Variants in SLC24A3 observed in about 807,000 individuals in gnomAD.
The protein encoded by SLC24A3 is sodium/potassium/calcium exchanger 3.
In SLC24A3, 28 loss-of-function variants were observed where a neutral mutation model predicts 75.8. The ratio of observed to expected loss-of-function variants is 0.37; its 90% CI spans 0.27 to 0.51. The LOEUF (loss-of-function observed/expected upper bound fraction) is 0.51, where lower values mean the gene tolerates loss of function less well. SLC24A3 is among the 20% of genes least tolerant of loss of function. SLC24A3 has a pLI of 0.94. For missense variants in SLC24A3, 663 were observed against 847.8 expected (o/e 0.78, Z 2.71); for synonymous variants, 372 against 334.1 (o/e 1.11, Z -1.24).
At chr20:19,404,922 T>A (rs1205356602) in intron 2 of SLC24A3, among the ~76,000 whole-genome samples, 1 of 152,124 alleles carries the variant, frequency 6.6e-6, no homozygotes, top group Non-Finnish European at 1.5e-5. Flanking sequence ...GGCTCTATTT[T>A]TAAAAGGCCA....
chr20:19,541,841 C>T (rs1389186678), intron 3 of SLC24A3, among the ~76,000 whole-genome samples: 4 of 152,192 alleles, frequency 2.6e-5, no homozygotes, highest in African/African-American at 4.8e-5. Flanking sequence ...CACACATTCT[C>T]GAGGTTTGCA....
intron 1 of SLC24A3, among the ~76,000 whole-genome samples, chr20:19,249,638 T>C (rs1295812782): frequency 6.6e-6 from 1 of 152,226 alleles, no homozygotes; most frequent in Non-Finnish European, 1.5e-5. Flanking sequence ...AATGGGTTTA[T>C]CGCTGGGAGA....
intron 7 of SLC24A3, among the ~76,000 whole-genome samples, chr20:19,659,475 T>C (rs2122715093): frequency 6.6e-6 from 1 of 152,366 alleles, no homozygotes. Flanking sequence ...GACAGGCAAC[T>C]AGTGGGACCA....
chr20:19,403,162 T>G (rs1354567755), intron 2 of SLC24A3, among the ~76,000 whole-genome samples: 5 of 152,112 alleles, frequency 3.3e-5, no homozygotes, highest in Non-Finnish European at 7.4e-5. Flanking sequence ...AGGGCCAGTG[T>G]CACAATTGTA....
chr20:19,693,534 A>G, intron 13 of SLC24A3, 109 bp downstream of exon 13: 2 of 1,402,562 alleles, frequency 1.4e-6, no homozygotes, highest in Non-Finnish European at 1.9e-6. Flanking sequence ...TATTGCTACA[A>G]TAAGCTGCAC....
At chr20:19,494,450 T>C (rs1002307746) in intron 2 of SLC24A3, among the ~76,000 whole-genome samples, 5 of 152,156 alleles carry the variant, frequency 3.3e-5, no homozygotes, top group African/African-American at 1.2e-4. Flanking sequence ...TTCCAAGTAA[T>C]GAAATCATCT....
At chr20:19,280,753 A>G (rs8121636) in intron 1 of SLC24A3, among the ~76,000 whole-genome samples, 5,850 of 152,252 alleles carry the variant, frequency 0.038, 373 homozygotes, top group African/African-American at 0.13. Flanking sequence ...CCCACTGGGA[A>G]GAATCTAGAA....
chr20:19,495,244 C>T (rs758832306), intron 2 of SLC24A3, among the ~76,000 whole-genome samples: 1 of 152,320 alleles, frequency 6.6e-6, no homozygotes, highest in Middle Eastern at 3.4e-3. Flanking sequence ...GGTTTCTGAG[C>T]GGGCACCAAC....
chr20:19,479,032 C>A (rs1340014561), intron 2 of SLC24A3, among the ~76,000 whole-genome samples: 1 of 152,222 alleles, frequency 6.6e-6, no homozygotes, highest in Non-Finnish European at 1.5e-5. Flanking sequence ...CTCTGCTGTC[C>A]CTTAGCATGT....
chr20:19,701,987 G>C (rs1180964335), intron 15 of SLC24A3, among the ~76,000 whole-genome samples: 2 of 152,112 alleles, frequency 1.3e-5, no homozygotes, highest in Non-Finnish European at 2.9e-5. Context: ...ATTTTACTTT[G>C]ATTAAAGGGG....
chr20:19,614,036 G>A (rs2031704841), intron 6 of SLC24A3, among the ~76,000 whole-genome samples: 1 of 152,156 alleles, frequency 6.6e-6, no homozygotes, highest in African/African-American at 2.4e-5. Context: ...TCCCAGTTGT[G>A]TATATCCACA....
At chr20:19,600,392 T>C (rs1285580115) in intron 6 of SLC24A3, among the ~76,000 whole-genome samples, 1 of 152,196 alleles carries the variant, frequency 6.6e-6, no homozygotes, top group Non-Finnish European at 1.5e-5. Flanking sequence ...TGCAATTTCA[T>C]GTAAAGAAAC....
At chr20:19,343,969 G>A (rs1398973642) in intron 2 of SLC24A3, among the ~76,000 whole-genome samples, 1 of 152,190 alleles carries the variant, frequency 6.6e-6, no homozygotes, top group East Asian at 1.9e-4. Flanking sequence ...GACCTCACCT[G>A]TAGCCAGTAA....
At chr20:19,319,638 A>G (rs1201594676) in intron 2 of SLC24A3, among the ~76,000 whole-genome samples, 1 of 152,226 alleles carries the variant, frequency 6.6e-6, no homozygotes, top group Non-Finnish European at 1.5e-5. Context: ...ACAGTGACAG[A>G]GTACCTGGCC....
intron 3 of SLC24A3, among the ~76,000 whole-genome samples, chr20:19,516,909 G>T (rs1467312020): frequency 1.3e-5 from 2 of 152,166 alleles, no homozygotes; most frequent in Admixed American, 1.3e-4. Flanking sequence ...ACTTCTGCTG[G>T]CCTTGCTTTA....
intron 2 of SLC24A3, among the ~76,000 whole-genome samples, chr20:19,315,021 A>C (rs1422337468): frequency 6.6e-6 from 1 of 152,216 alleles, no homozygotes; most frequent in Non-Finnish European, 1.5e-5. Flanking sequence ...TTGATTTTCT[A>C]GGTGGTAGGG....
intron 6 of SLC24A3, among the ~76,000 whole-genome samples, chr20:19,613,440 TTAAAGAGTTCTTTTC>T (rs1176768475): frequency 6.6e-6 from 1 of 152,240 alleles, no homozygotes; most frequent in Non-Finnish European, 1.5e-5. Context: ...TATTATTTTT[TTAAAGAGTTCTTTTC>T]TAAAGAGTTC....
At chr20:19,648,431 GTT>G (rs2032162942) in intron 6 of SLC24A3, among the ~76,000 whole-genome samples, 1 of 151,152 alleles carries the variant, frequency 6.6e-6, no homozygotes, top group Non-Finnish European at 1.5e-5. Context: ...TAACTATTAT[GTT>G]GTTTTGTTTG....
chr20:19,468,948 G>T (rs188811349), intron 2 of SLC24A3, among the ~76,000 whole-genome samples: 52 of 152,264 alleles, frequency 3.4e-4, no homozygotes, highest in Admixed American at 7.2e-4. Context: ...AGGGATTGGA[G>T]CCCTGAGGGT....
Sources: allele counts gnomAD v4.1 joint callset (sites outside exome capture counted in the v4.1 genomes callset), GRCh38; gene constraint gnomAD v4.1.1; transcripts MANE v1.5; gene names NCBI Gene and HGNC (gene_info 2026-07-23, HGNC 2026-07-21).